Variants in TENM3 observed in about 807,000 individuals in gnomAD.
TENM3 encodes teneurin-3.
A neutral mutation model predicts 255.1 loss-of-function variants in TENM3; 63 were observed. That is an observed-to-expected ratio of 0.25 (90% CI 0.20 to 0.30). The LOEUF is 0.30. Ranked by LOEUF, TENM3 falls within the 10% of genes least tolerant of loss-of-function variation. The pLI, the probability that TENM3 is intolerant of heterozygous loss-of-function variation, is 1.00. For synonymous variants in TENM3, 1,306 were observed against 1,322.3 expected, an observed-to-expected ratio of 0.99 and a Z score of 0.27; for missense variants, 2,929 against 3,461.1, an observed-to-expected ratio of 0.85 and a Z score of 3.86.
chr4:182,005,876 T>C, the TENM3 span, among the ~76,000 whole-genome samples: 2 of 152,126 alleles, frequency 1.3e-5, no homozygotes, highest in Non-Finnish European at 2.9e-5. Flanking sequence ...TGCTTGCCTA[T>C]TGGTGGTGTA....
the TENM3 span, among the ~76,000 whole-genome samples, chr4:182,039,059 A>C: frequency 6.6e-6 from 1 of 152,082 alleles, no homozygotes; most frequent in African/African-American, 2.4e-5. Flanking sequence ...TAAAAGATGA[A>C]ATTCGAATCC....
intron 1 of TENM3, among the ~76,000 whole-genome samples, chr4:182,295,975 G>C (rs1378558247): frequency 1.3e-5 from 2 of 152,104 alleles, no homozygotes; most frequent in African/African-American, 4.8e-5. Context: ...TTTTGAAATA[G>C]CGTTTCACTC....
At chr4:181,683,191 C>A in the TENM3 span, among the ~76,000 whole-genome samples, 14 of 151,898 alleles carry the variant, frequency 9.2e-5, no homozygotes, top group Non-Finnish European at 5.9e-5. Context: ...TCATTATATA[C>A]CAGGTAGAGG....
Position 182,597,854 on chromosome 4 carries a change from T to C in TENM3, c.512-3070T>C, listed in dbSNP as rs552986304. Among the ~76,000 whole-genome samples the C allele has an allele frequency of 7.9e-5, 12 of 152,294 alleles. 1 individual carries two copies. In the South Asian group the frequency reaches 2.5e-3, roughly 32 times the overall value. On this transcript the variant is annotated intron_variant, in intron 3 of 27. Transcript: ENST00000511685. ...TTGACCCTAACTGAATCCCCGGATTTTGCTCCTGTTTGTGGTCTGGTGCAG... is the reference window on the plus strand; with the variant it reads ...TTGACCCTAACTGAATCCCCGGATTCTGCTCCTGTTTGTGGTCTGGTGCAG...
At chr4:181,939,959 CA>C in the TENM3 span, among the ~76,000 whole-genome samples, 1 of 152,176 alleles carries the variant, frequency 6.6e-6, no homozygotes, top group African/African-American at 2.4e-5. Flanking sequence ...AATATCGTGA[CA>C]AGCAATTGAC....
the TENM3 span, among the ~76,000 whole-genome samples, chr4:181,981,579 A>G: frequency 2.6e-5 from 4 of 152,328 alleles, no homozygotes; most frequent in East Asian, 5.8e-4. Flanking sequence ...TCATCAAAAC[A>G]GAGAGAAAGA....
At chr4:181,564,308 C>T in the TENM3 span, among the ~76,000 whole-genome samples, 2 of 152,238 alleles carry the variant, frequency 1.3e-5, no homozygotes, top group South Asian at 4.1e-4. Context: ...CACACATATT[C>T]AGTGGTTACT....
chr4:181,768,167 A>G, the TENM3 span, among the ~76,000 whole-genome samples: 2 of 152,214 alleles, frequency 1.3e-5, no homozygotes, highest in African/African-American at 4.8e-5. Flanking sequence ...CTTTTAGACT[A>G]TTACTTTTAA....
the TENM3 span, among the ~76,000 whole-genome samples, chr4:181,998,575 G>A: frequency 6.6e-6 from 1 of 152,096 alleles, no homozygotes; most frequent in Admixed American, 6.6e-5. Context: ...TCCCTAATGA[G>A]TAATTCCTCA....
chr4:181,780,650 A>G, the TENM3 span, among the ~76,000 whole-genome samples: 2 of 151,996 alleles, frequency 1.3e-5, no homozygotes, highest in South Asian at 2.1e-4. Flanking sequence ...ATTAGATCCC[A>G]TTTGTCAATT....
intron 3 of TENM3, among the ~76,000 whole-genome samples, chr4:182,522,963 G>GT (rs1034319914): frequency 3.3e-5 from 5 of 151,960 alleles, no homozygotes; most frequent in African/African-American, 9.6e-5. Context: ...AGAATTTTTT[G>GT]TTTTTTTGTC....
chr4:181,662,266 C>T, the TENM3 span, among the ~76,000 whole-genome samples: 5 of 152,116 alleles, frequency 3.3e-5, no homozygotes, highest in Non-Finnish European at 2.9e-5. Flanking sequence ...AGGTGTTTTT[C>T]CAGTATTTGT....
At chr4:182,105,140 G>A in the TENM3 span, among the ~76,000 whole-genome samples, 99 of 152,226 alleles carry the variant, frequency 6.5e-4, no homozygotes, top group African/African-American at 2.3e-3. Flanking sequence ...TTGAGTCCAG[G>A]AAGTCCAGGC....
the TENM3 span, among the ~76,000 whole-genome samples, chr4:181,524,444 G>A: frequency 0.093 from 14,131 of 152,250 alleles, 798 homozygotes; most frequent in South Asian, 0.26. Flanking sequence ...TGGGTCTGCA[G>A]CCAGCTGTGG....
At chr4:182,104,551 G>T in the TENM3 span, among the ~76,000 whole-genome samples, 2 of 110,824 alleles carry the variant, frequency 1.8e-5, no homozygotes, top group South Asian at 6.2e-4. Flanking sequence ...TTGCTCTGTT[G>T]CCCAGGCTGG....
At chr4:182,010,535 A>G in the TENM3 span, among the ~76,000 whole-genome samples, 1 of 152,002 alleles carries the variant, frequency 6.6e-6, no homozygotes, top group Non-Finnish European at 1.5e-5. Context: ...GTGAGTTAAA[A>G]TAACTCTGAT....
At chr4:182,772,250 C>T (rs150268039) in intron 22 of TENM3, among the ~76,000 whole-genome samples, 1 of 152,298 alleles carries the variant, frequency 6.6e-6, no homozygotes, top group East Asian at 1.9e-4. Flanking sequence ...CACCTCTATC[C>T]TTTTATTCCC....
chr4:182,204,948 T>C (rs1273756661), intron 1 of TENM3, among the ~76,000 whole-genome samples: 1 of 152,228 alleles, frequency 6.6e-6, no homozygotes, highest in Non-Finnish European at 1.5e-5. Flanking sequence ...TGTTCTCCAT[T>C]TCCCAGCAAG....
chr4:182,413,176 G>A (rs1480800742), intron 3 of TENM3, among the ~76,000 whole-genome samples: 2 of 152,008 alleles, frequency 1.3e-5, no homozygotes, highest in Non-Finnish European at 2.9e-5. Flanking sequence ...TTACACAGAG[G>A]AGAAGCAGCA....
Sources: allele counts gnomAD v4.1 joint callset (sites outside exome capture counted in the v4.1 genomes callset), GRCh38; gene constraint gnomAD v4.1.1; transcripts MANE v1.5; gene names NCBI Gene and HGNC (gene_info 2026-07-23, HGNC 2026-07-21).